ROBO1: variants seen among roughly 807,000 people sequenced by gnomAD.
ROBO1 encodes roundabout homolog 1.
Under a neutral mutation model 195.9 loss-of-function variants are expected in ROBO1, and 149 were observed. The observed-to-expected ratio is 0.76, with a 90% CI of 0.67 to 0.87. ROBO1 has a LOEUF of 0.87. Among genes scored for constraint, ROBO1 ranks in the 40% least tolerant of loss-of-function variants. The pLI, the probability that ROBO1 is intolerant of heterozygous loss-of-function variation, is 0.00. For missense variants in ROBO1, 1,933 were observed against 2,068.3 expected, an observed-to-expected ratio of 0.93 and a Z score of 1.27; for synonymous variants, 816 against 733.2, an observed-to-expected ratio of 1.11 and a Z score of -1.82.
chr3:79,640,707 AC>A (rs768798232), intron 1 of ROBO1, among the ~76,000 whole-genome samples: 12 of 152,136 alleles, frequency 7.9e-5, no homozygotes, highest in Middle Eastern at 3.4e-3. Context: ...ACCTCATGCT[AC>A]TTTCTTTGGT....
intron 4 of ROBO1, among the ~76,000 whole-genome samples, chr3:78,784,500 T>G (rs368751621): frequency 6.6e-6 from 1 of 152,150 alleles, no homozygotes; most frequent in African/African-American, 2.4e-5. Flanking sequence ...ACTGTCTAGG[T>G]ATAGAATGCA....
At chr3:78,908,863 G>A (rs2107524183) in intron 4 of ROBO1, among the ~76,000 whole-genome samples, 1 of 151,864 alleles carries the variant, frequency 6.6e-6, no homozygotes, top group Non-Finnish European at 1.5e-5. Flanking sequence ...AACAGACTTT[G>A]TCCACCTTTC....
intron 1 of ROBO1, among the ~76,000 whole-genome samples, chr3:79,721,833 A>G (rs1438463609): frequency 1.3e-5 from 2 of 152,224 alleles, no homozygotes; most frequent in Non-Finnish European, 2.9e-5. Context: ...TGTGAAGTGT[A>G]GAACTTTCAT....
chr3:78,697,437 C>G (rs923497005), intron 8 of ROBO1, among the ~76,000 whole-genome samples: 1 of 152,096 alleles, frequency 6.6e-6, no homozygotes, highest in Non-Finnish European at 1.5e-5. Context: ...TGAACAGATA[C>G]TTAAGAAGTC....
intron 4 of ROBO1, among the ~76,000 whole-genome samples, chr3:78,819,678 A>G (rs2030653123): frequency 6.6e-6 from 1 of 152,062 alleles, no homozygotes; most frequent in African/African-American, 2.4e-5. Flanking sequence ...AATATCAACT[A>G]TCTTCATTAC....
At chr3:79,178,213 T>C (rs768486650) in intron 2 of ROBO1, among the ~76,000 whole-genome samples, 13 of 152,232 alleles carry the variant, frequency 8.5e-5, no homozygotes, top group Non-Finnish European at 1.8e-4. Context: ...CCTATTTGTT[T>C]ATTTAGAATA....
chr3:79,389,368 G>A (rs1173804114), intron 2 of ROBO1, among the ~76,000 whole-genome samples: 1 of 152,098 alleles, frequency 6.6e-6, no homozygotes, highest in Non-Finnish European at 1.5e-5. Flanking sequence ...TAGGTTTCTT[G>A]TTGTCAGCAG....
chr3:79,666,022 G>A (rs974752010), intron 1 of ROBO1, among the ~76,000 whole-genome samples: 2 of 151,852 alleles, frequency 1.3e-5, no homozygotes, highest in Non-Finnish European at 2.9e-5. Flanking sequence ...GGTAAGAAAA[G>A]TTATCTAAAA....
At chr3:79,627,786 A>G (rs1346998387) in intron 1 of ROBO1, among the ~76,000 whole-genome samples, 1 of 152,232 alleles carries the variant, frequency 6.6e-6, no homozygotes, top group Non-Finnish European at 1.5e-5. Context: ...TTTACAAGGA[A>G]CTTAAACAAA....
At chr3:79,668,546 A>G (rs1398295960) in intron 1 of ROBO1, among the ~76,000 whole-genome samples, 1 of 151,780 alleles carries the variant, frequency 6.6e-6, no homozygotes, top group Non-Finnish European at 1.5e-5. Flanking sequence ...ACTCAATGCA[A>G]TTCCTTGCAT....
chr3:78,902,351 G>A (rs2037639418), intron 4 of ROBO1, among the ~76,000 whole-genome samples: 1 of 152,050 alleles, frequency 6.6e-6, no homozygotes, highest in Admixed American at 6.5e-5. Flanking sequence ...TATCCATTGA[G>A]ATTAAATTTC....
At chr3:79,479,196 AC>A (rs1938701060) in intron 2 of ROBO1, among the ~76,000 whole-genome samples, 1 of 152,252 alleles carries the variant, frequency 6.6e-6, no homozygotes, top group Middle Eastern at 3.4e-3. Context: ...GTGGTCCCCA[AC>A]CTTTTTGGCA....
chr3:78,953,320 C>G (rs1447660423), intron 3 of ROBO1, among the ~76,000 whole-genome samples: 1 of 151,914 alleles, frequency 6.6e-6, no homozygotes. Context: ...GTAAAATGCT[C>G]AAGTAACATG....
chr3:79,492,952 A>C (rs1282039484), intron 2 of ROBO1, among the ~76,000 whole-genome samples: 1 of 152,138 alleles, frequency 6.6e-6, no homozygotes, highest in East Asian at 1.9e-4. Context: ...TGAGAGCACA[A>C]GTCAACACTG....
intron 16 of ROBO1, 142 bp downstream of exon 16, chr3:78,660,888 T>A: frequency 1.5e-6 from 1 of 662,196 alleles, no homozygotes; most frequent in Non-Finnish European, 2.5e-6. Context: ...AATAAACAAA[T>A]ACTGTTAGCA....
chr3:79,537,704 G>A (rs1941924008), intron 2 of ROBO1, among the ~76,000 whole-genome samples: 1 of 151,950 alleles, frequency 6.6e-6, no homozygotes, highest in Admixed American at 6.6e-5. Context: ...GAGGACATAG[G>A]GAGGGGAACA....
At chr3:79,042,369 A>T (rs1035098990) in intron 3 of ROBO1, among the ~76,000 whole-genome samples, 1 of 152,166 alleles carries the variant, frequency 6.6e-6, no homozygotes, top group Non-Finnish European at 1.5e-5. Flanking sequence ...AAAAATTGAG[A>T]TAAGAGAAGA....
chr3:78,649,020 C>T (rs1706479015), intron 19 of ROBO1, among the ~76,000 whole-genome samples: 1 of 151,806 alleles, frequency 6.6e-6, no homozygotes, highest in African/African-American at 2.4e-5. Flanking sequence ...CACAGCAGTC[C>T]CTGTCTTAAG....
At chr3:79,288,808 C>A (rs1481251604) in intron 2 of ROBO1, among the ~76,000 whole-genome samples, 1 of 151,590 alleles carries the variant, frequency 6.6e-6, no homozygotes, top group South Asian at 2.1e-4. Flanking sequence ...TTTCCAATTT[C>A]TACTCAGTTT....
Sources: allele counts gnomAD v4.1 joint callset (sites outside exome capture counted in the v4.1 genomes callset), GRCh38; gene constraint gnomAD v4.1.1; transcripts MANE v1.5; gene names NCBI Gene and HGNC (gene_info 2026-07-23, HGNC 2026-07-21).